Variants in C3orf33 observed in about 807,000 individuals in gnomAD.
C3orf33 encodes the protein mitochondrial inner membrane subdomain organizer 1.
C3orf33 carries 23 observed loss-of-function variants against 28.7 expected under a neutral mutation model. That is an observed-to-expected ratio of 0.80 (90% confidence interval 0.58 to 1.13). The LOEUF is 1.13. C3orf33 is among the 50% of genes most tolerant of loss of function. C3orf33 has a pLI of 0.00. For synonymous variants in C3orf33, 119 were observed against 120.5 expected (o/e 0.99, Z 0.08); for missense variants, 327 against 353.4 (o/e 0.93, Z 0.60).
intron 2 of C3orf33, among the ~76,000 whole-genome samples, chr3:155,795,512 TTC>T (rs1751449679): frequency 2.0e-5 from 3 of 151,950 alleles, no homozygotes; most frequent in African/African-American, 7.3e-5. Context: ...ATCAAATATC[TTC>T]TCTGACTACA....
chr3:155,787,859 T>C (rs1452065247), intron 2 of C3orf33, among the ~76,000 whole-genome samples: 1 of 151,992 alleles, frequency 6.6e-6, no homozygotes, highest in Non-Finnish European at 1.5e-5. Context: ...CTTAGTGGGA[T>C]TTATTCCTGA....
intron 2 of C3orf33, among the ~76,000 whole-genome samples, chr3:155,791,767 G>C (rs1353549914): frequency 2.0e-5 from 3 of 151,748 alleles, no homozygotes; most frequent in Non-Finnish European, 4.4e-5. Flanking sequence ...GGGAAGAGTG[G>C]AAAGGACTGT....
intron 2 of C3orf33, among the ~76,000 whole-genome samples, chr3:155,799,463 C>T (rs1040675904): frequency 7.2e-5 from 11 of 152,032 alleles, no homozygotes; most frequent in African/African-American, 2.7e-4. Context: ...CCAAGGCAGG[C>T]AGATCACTTG....
rs750333331 is a variant in C3orf33 at position 155,767,602 on chromosome 3, C to A, written c.390G>T (p.Trp130Cys). 2 of 1,593,158 alleles carry A rather than the reference C, an allele frequency of 1.3e-6. No individual in the cohort carries two copies. The highest frequency in any genetic ancestry group is 1.7e-6 in the Non-Finnish European group (2 of 1,167,196). ...GGGAAGGTTTTAGCTCTTTTTGTAA[C>A]CATGCCTTCCCAGTTTCAGCGAGTT... is the stretch of plus-strand genomic sequence containing the variant. ...GVELAETGKA[W>C]LQKELKPSQL... The change falls in exon 4 of 5, where the codon TGG becomes TGT. Residue 130 changes from tryptophan to cysteine, a missense_variant. Coordinates refer to ENST00000340171, the MANE Select transcript of C3orf33 (RefSeq NM_001308229.2).
chr3:155,778,495 A>G (rs1257801170), intron 2 of C3orf33, among the ~76,000 whole-genome samples: 1 of 152,240 alleles, frequency 6.6e-6, no homozygotes, highest in African/African-American at 2.4e-5. Flanking sequence ...GCAAAATGTT[A>G]ACAACTGGTG....
intron 2 of C3orf33, among the ~76,000 whole-genome samples, chr3:155,781,214 G>C (rs920494671): frequency 1.0e-4 from 15 of 149,776 alleles, no homozygotes; most frequent in African/African-American, 1.8e-4. Context: ...CACCTTGTTA[G>C]CCAGGATGGT....
intron 2 of C3orf33, among the ~76,000 whole-genome samples, chr3:155,783,157 ATT>A (rs544861385): frequency 4.2e-5 from 6 of 142,420 alleles, no homozygotes; most frequent in Admixed American, 7.1e-5. Flanking sequence ...CCCATTCTAC[ATT>A]TTTTTTTTTT....
At chr3:155,806,099 C>T in intron 1 of C3orf33, 40 bp downstream of exon 1, 1 of 1,337,954 alleles carries the variant, frequency 7.5e-7, no homozygotes, top group Non-Finnish European at 9.8e-7. Context: ...TCTGTGCCGC[C>T]CCGCGCCCAC....
At chr3:155,800,448 T>C (rs1577439309) in intron 2 of C3orf33, among the ~76,000 whole-genome samples, 1 of 148,628 alleles carries the variant, frequency 6.7e-6, no homozygotes, top group South Asian at 2.1e-4. Flanking sequence ...TACAGAAAAA[T>C]TAAAAATTAG....
chr3:155,767,637 C>A lies in C3orf33; in HGVS notation c.355G>T (p.Ala119Ser), dbSNP rs1750452995. 1 of 1,576,578 alleles carries A rather than the reference C, an allele frequency of 6.3e-7. No homozygotes were observed. Among genetic ancestry groups the A allele is most frequent in the Non-Finnish European group, 8.6e-7 (1 of 1,157,444 alleles). Reference sequence around the variant, plus strand: ...CCAGTTTCAGCGAGTTCTACTCCAGCCAACTTAACCAGCAAAGCACCACGT... The same window carrying A: ...CCAGTTTCAGCGAGTTCTACTCCAGACAACTTAACCAGCAAAGCACCACGT... Reference protein sequence around the residue: ...EPRGALLVKLAGVELAETGKA... With the variant: ...EPRGALLVKLSGVELAETGKA... The change falls in exon 4 of 5, where the codon GCT becomes TCT. Residue 119 changes from alanine (A) to serine (S), a missense_variant. Physicochemically the swap from Ala to Ser is moderately conservative, Grantham distance 99. Transcript: ENST00000340171.
chr3:155,788,577 G>A (rs953036729), intron 2 of C3orf33, among the ~76,000 whole-genome samples: 2 of 151,778 alleles, frequency 1.3e-5, no homozygotes, highest in Non-Finnish European at 2.9e-5. Flanking sequence ...AGCTACTCAG[G>A]AGGCTGAGGC....
At chr3:155,802,950 G>T (rs566093130) in intron 1 of C3orf33, among the ~76,000 whole-genome samples, 17 of 152,042 alleles carry the variant, frequency 1.1e-4, no homozygotes, top group African/African-American at 4.1e-4. Flanking sequence ...GTTCTCTACT[G>T]ATCGTATTAT....
At chr3:155,773,378 A>C (rs565323181) in intron 3 of C3orf33, among the ~76,000 whole-genome samples, 33 of 152,234 alleles carry the variant, frequency 2.2e-4, no homozygotes, top group Non-Finnish European at 4.3e-4. Context: ...GAGAGGTATA[A>C]GACATTTAAC....
At chr3:155,774,145 T>A (rs994615707) in intron 3 of C3orf33, among the ~76,000 whole-genome samples, 4 of 152,172 alleles carry the variant, frequency 2.6e-5, no homozygotes, top group Non-Finnish European at 5.9e-5. Context: ...TTTTACCAAG[T>A]CTCTATTGGC....
chr3:155,765,913 A>G (rs1750389000), intron 4 of C3orf33, among the ~76,000 whole-genome samples: 1 of 151,904 alleles, frequency 6.6e-6, no homozygotes. Flanking sequence ...GTTTTAGATA[A>G]TTCTTATTTT....
chr3:155,781,521 G>A (rs537509176), intron 2 of C3orf33, among the ~76,000 whole-genome samples: 60 of 152,160 alleles, frequency 3.9e-4, no homozygotes, highest in African/African-American at 1.2e-3. Context: ...TGTAATCCCA[G>A]CACTTTGGGA....
chr3:155,781,768 CAAAAAAAAAA>C (rs36059033), intron 2 of C3orf33, among the ~76,000 whole-genome samples: 1 of 64,504 alleles, frequency 1.6e-5, no homozygotes, highest in Admixed American at 2.0e-4. Context: ...GACTCTATCT[CAAAAAAAAAA>C]AAAAAAAAAA....
chr3:155,774,905 T>C (rs1750693865), intron 3 of C3orf33, among the ~76,000 whole-genome samples: 1 of 152,122 alleles, frequency 6.6e-6, no homozygotes, highest in African/African-American at 2.4e-5. Context: ...TTCAGGTCCC[T>C]GATTAAATAA....
chr3:155,793,861 T>C (rs931583868), intron 2 of C3orf33, among the ~76,000 whole-genome samples: 2 of 148,958 alleles, frequency 1.3e-5, no homozygotes, highest in African/African-American at 4.9e-5. Flanking sequence ...ACAGCTTTTC[T>C]AGACATAGAC....
Sources: allele counts gnomAD v4.1 joint callset (sites outside exome capture counted in the v4.1 genomes callset), GRCh38; gene constraint gnomAD v4.1.1; transcripts MANE v1.5; gene names NCBI Gene and HGNC (gene_info 2026-07-23, HGNC 2026-07-21).